The following RNF130 variants were observed in gnomAD, a reference collection of about 807,000 sequenced individuals.
RNF130 encodes ring finger protein 130.
Under a neutral mutation model 44.6 loss-of-function variants are expected in RNF130, and 21 were observed. That is an observed-to-expected ratio of 0.47 (90% CI 0.33 to 0.68). The LOEUF (loss-of-function observed/expected upper bound fraction) is 0.68, where lower values mean the gene tolerates loss of function less well. Ranked by LOEUF, RNF130 falls within the 30% of genes least tolerant of loss-of-function variation. The probability of loss-of-function intolerance (pLI) is 0.02; values close to 1 mark genes in which losing one functional copy is unlikely to be tolerated. For synonymous variants in RNF130, 214 were observed against 210.4 expected (o/e 1.02, Z -0.15); for missense variants, 479 against 560.6 (o/e 0.85, Z 1.47).
At position 179,948,285 on chromosome 5, in the gene RNF130, CT is replaced by C. The variant is rs377299996; in HGVS notation, c.1150+18520del. On this transcript the variant is annotated intron_variant, in intron 7 of 7. Transcript: ENST00000522208. Reference sequence around the variant, plus strand: ...GTACACCCTAAGTGATCAGGAGCCCCTGGCAACAGTTAACAGTTTCTTCCTG... The same window carrying C: ...GTACACCCTAAGTGATCAGGAGCCCCGGCAACAGTTAACAGTTTCTTCCTG... Among the ~76,000 whole-genome samples the C allele has an allele frequency of 4.6e-5, 7 of 152,336 alleles. No individual in the cohort carries two copies. In the East Asian group the frequency reaches 1.3e-3, roughly 29 times the overall value.
At chr5:180,016,216 C>T (rs1240039468) in intron 2 of RNF130, among the ~76,000 whole-genome samples, 1 of 152,092 alleles carries the variant, frequency 6.6e-6, no homozygotes, top group South Asian at 2.1e-4. Context: ...ATATAGGAGT[C>T]CCCTCCTAGG....
chr5:179,999,026 A>AT (rs1274777857), intron 3 of RNF130, among the ~76,000 whole-genome samples: 1 of 149,002 alleles, frequency 6.7e-6, no homozygotes, highest in African/African-American at 2.5e-5. Context: ...TTTTGTTATT[A>AT]TTTTTTCTTT....
Position 180,032,965 on chromosome 5 carries a change from T to C in RNF130, c.442+7488A>G, listed in dbSNP as rs77191311. ...GGAATCAAAGGATATGAAAGGTCTCTCCATTTATCCAGATTTTTTTTTTTT... is the reference window on the plus strand; with the variant it reads ...GGAATCAAAGGATATGAAAGGTCTCCCCATTTATCCAGATTTTTTTTTTTT... On this transcript the variant is annotated intron_variant, in intron 2 of 8. Coordinates refer to ENST00000521389, the MANE Select transcript of RNF130 (RefSeq NM_018434.6). Among the ~76,000 whole-genome samples, 636 of 151,964 alleles carry C rather than the reference T, an allele frequency of 4.2e-3. 18 individuals are homozygous for C. The East Asian group carries it at 0.06, about 14-fold the overall frequency.
At chr5:179,921,565 A>T (rs1308356348) in intron 7 of RNF130, among the ~76,000 whole-genome samples, 1 of 152,220 alleles carries the variant, frequency 6.6e-6, no homozygotes, top group African/African-American at 2.4e-5. Flanking sequence ...TGGGAGGCCA[A>T]GGCGGGTGGA....
At chr5:180,005,163 C>T (rs1011764495) in intron 3 of RNF130, among the ~76,000 whole-genome samples, 1 of 152,174 alleles carries the variant, frequency 6.6e-6, no homozygotes, top group Non-Finnish European at 1.5e-5. Flanking sequence ...CGTGGTGGCT[C>T]GTGCCTGTAA....
chr5:179,930,463 C>A lies in RNF130; in HGVS notation c.1151-10037G>T, dbSNP rs567270690. 9.2e-5 allele frequency among the ~76,000 whole-genome samples: 14 copies of A among 152,238 alleles called. No homozygotes were observed. The East Asian group carries it at 2.7e-3, about 29-fold the overall frequency. On this transcript the variant is annotated intron_variant, in intron 7 of 7. Transcript: ENST00000522208. ...TGATTTGTAGAATATATTGAATTTT[C>A]TACATGTAATCGTTTTCTCTGTGAA... is the stretch of plus-strand genomic sequence containing the variant.
chr5:179,985,149 CT>C (rs779268565), intron 3 of RNF130, among the ~76,000 whole-genome samples: 21 of 116,040 alleles, frequency 1.8e-4, no homozygotes, highest in Admixed American at 5.6e-4. Flanking sequence ...CCTTTACCCC[CT>C]AACTTTTTTT....
intron 1 of RNF130, among the ~76,000 whole-genome samples, chr5:180,060,209 G>A (rs1764940622): frequency 6.6e-6 from 1 of 152,152 alleles, no homozygotes. Context: ...TCAGAATTCT[G>A]ACCCCCAGAA....
intron 7 of RNF130, among the ~76,000 whole-genome samples, chr5:179,937,931 TGTGAGAGA>T (rs1377075417): frequency 1.1e-4 from 15 of 131,104 alleles, no homozygotes; most frequent in African/African-American, 3.1e-4. Flanking sequence ...TGTGTGTGTG[TGTGAGAGA>T]GAGAGAGAGA....
At chr5:179,914,610 T>C (rs998223885) in exon 8 of RNF130, 3 of 151,840 alleles carry the variant, frequency 2.0e-5, no homozygotes, top group Admixed American at 6.6e-5. Context: ...CTCCAGCGCA[T>C]GGGAGGGTAT....
chr5:179,992,784 T>G (rs1311355580), intron 3 of RNF130, among the ~76,000 whole-genome samples: 4 of 152,220 alleles, frequency 2.6e-5, no homozygotes, highest in African/African-American at 9.7e-5. Flanking sequence ...TGCAGGTTTG[T>G]TACATATGTA....
chr5:179,965,526 T>C (rs1334268063), intron 7 of RNF130, among the ~76,000 whole-genome samples: 1 of 152,204 alleles, frequency 6.6e-6, no homozygotes. Flanking sequence ...ATGTAGTAAG[T>C]AGTAGGTGCT....
intron 3 of RNF130, among the ~76,000 whole-genome samples, chr5:180,003,909 TACTA>T (rs1224844356): frequency 6.6e-6 from 1 of 152,256 alleles, no homozygotes; most frequent in East Asian, 1.9e-4. Flanking sequence ...ATAAAATCTA[TACTA>T]ACTAAGGTTT....
At chr5:179,914,053 G>A (rs1490321689) in exon 8 of RNF130, 2 of 152,244 alleles carry the variant, frequency 1.3e-5, no homozygotes, top group African/African-American at 4.8e-5. Flanking sequence ...CCTTCTGCAA[G>A]GCTCTTAACC....
intron 1 of RNF130, among the ~76,000 whole-genome samples, chr5:180,044,123 T>C (rs1180789372): frequency 6.6e-6 from 1 of 152,206 alleles, no homozygotes; most frequent in Non-Finnish European, 1.5e-5. Context: ...CATATTATGG[T>C]GTAAAATATC....
At chr5:180,017,308 G>A (rs1763763814) in intron 2 of RNF130, among the ~76,000 whole-genome samples, 1 of 152,116 alleles carries the variant, frequency 6.6e-6, no homozygotes, top group African/African-American at 2.4e-5. Context: ...GTGCAGGCCG[G>A]GTTGTACCTT....
chr5:180,013,006 G>T, intron 3 of RNF130, 55 bp downstream of exon 3: 1 of 1,560,708 alleles, frequency 6.4e-7, no homozygotes, highest in Non-Finnish European at 8.7e-7. Flanking sequence ...GGTCACGACA[G>T]ATGACTGTGA....
intron 3 of RNF130, among the ~76,000 whole-genome samples, chr5:179,996,309 T>C (rs1435361658): frequency 6.6e-6 from 1 of 152,250 alleles, no homozygotes; most frequent in Admixed American, 6.5e-5. Context: ...TAATTTTGTA[T>C]TCTGCAACTT....
At chr5:179,974,621 C>T (rs572695885) in intron 5 of RNF130, among the ~76,000 whole-genome samples, 1 of 152,350 alleles carries the variant, frequency 6.6e-6, no homozygotes, top group East Asian at 1.9e-4. Context: ...GGTGTCCAGG[C>T]CCATCTCCCT....
Sources: allele counts gnomAD v4.1 joint callset (sites outside exome capture counted in the v4.1 genomes callset), GRCh38; gene constraint gnomAD v4.1.1; transcripts MANE v1.5; gene names NCBI Gene and HGNC (gene_info 2026-07-23, HGNC 2026-07-21).